Variants in GLRA2 observed in about 807,000 individuals in gnomAD.
The protein encoded by GLRA2 is glycine receptor alpha 2.
GLRA2 carries 11 observed loss-of-function variants against 31.6 expected under a neutral mutation model. That is an observed-to-expected ratio of 0.35 (90% CI 0.22 to 0.58). The LOEUF is 0.58. Among genes scored for constraint, GLRA2 ranks in the 20% least tolerant of loss-of-function variants. GLRA2 has a pLI of 0.84. For missense variants in GLRA2, 212 were observed against 351.8 expected (o/e 0.60, Z 3.18); for synonymous variants, 132 against 134.0 (o/e 0.99, Z 0.10).
the GLRA2 span, among the ~76,000 whole-genome samples, chrX:14,450,319 T>G: frequency 4.5e-5 from 5 of 111,670 alleles, no homozygotes; most frequent in African/African-American, 1.6e-4. Context: ...GGAGGAGAGT[T>G]GCAGGCCTCC....
chrX:14,487,387 TAAAAAAAAAA>T, the GLRA2 span, among the ~76,000 whole-genome samples: 7 of 27,946 alleles, frequency 2.5e-4, no homozygotes, highest in East Asian at 3.3e-3. Flanking sequence ...TGGTTTTCTG[TAAAAAAAAAA>T]AAAAAAAAAA....
intron 7 of GLRA2, among the ~76,000 whole-genome samples, chrX:14,643,970 G>A (rs765625156): frequency 8.9e-6 from 1 of 111,769 alleles, no homozygotes; most frequent in East Asian, 2.8e-4. Context: ...AGGATGAAAG[G>A]ATGGGTCCTG....
chrX:14,471,180 T>C, the GLRA2 span, among the ~76,000 whole-genome samples: 1 of 111,903 alleles, frequency 8.9e-6, no homozygotes, highest in African/African-American at 3.2e-5. Context: ...TTAATTACTT[T>C]TTTTGATTAA....
intron 7 of GLRA2, among the ~76,000 whole-genome samples, chrX:14,613,846 C>T (rs750739689): frequency 1.8e-5 from 2 of 111,552 alleles, no homozygotes; most frequent in Non-Finnish European, 3.8e-5. Flanking sequence ...GCTATGTCTT[C>T]TCTGCCCCTG....
chrX:14,634,753 C>T (rs1328152053), intron 7 of GLRA2, among the ~76,000 whole-genome samples: 2 of 111,959 alleles, frequency 1.8e-5, no homozygotes, highest in African/African-American at 3.2e-5. Flanking sequence ...AGCCTACTGA[C>T]AAGGAATGAA....
At chrX:14,558,686 T>C (rs1178419588) in intron 2 of GLRA2, among the ~76,000 whole-genome samples, 5 of 112,130 alleles carry the variant, frequency 4.5e-5, no homozygotes. Context: ...CTGAGCCATG[T>C]GTTTATTTGT....
the GLRA2 span, among the ~76,000 whole-genome samples, chrX:14,497,466 G>C: frequency 9.0e-6 from 1 of 111,512 alleles, no homozygotes; most frequent in Non-Finnish European, 1.9e-5. Flanking sequence ...ATGTGGGCTT[G>C]GTTATATGAA....
intron 7 of GLRA2, among the ~76,000 whole-genome samples, chrX:14,622,677 T>G (rs1367352256): frequency 8.9e-6 from 1 of 111,895 alleles, no homozygotes; most frequent in Non-Finnish European, 1.9e-5. Flanking sequence ...TGTGTGGTAT[T>G]ATTTCTGAGG....
chrX:14,682,825 T>G (rs1319041078), intron 7 of GLRA2, among the ~76,000 whole-genome samples: 7 of 109,511 alleles, frequency 6.4e-5, no homozygotes, highest in African/African-American at 2.3e-4. Context: ...CTTGCAACAG[T>G]TTGCTGAGAA....
At chrX:14,539,323 C>A (rs2089368841) in intron 2 of GLRA2, among the ~76,000 whole-genome samples, 1 of 111,049 alleles carries the variant, frequency 9.0e-6, no homozygotes, top group African/African-American at 3.3e-5. Context: ...ATTCTGGGCT[C>A]CCTTTGGAAT....
the GLRA2 span, among the ~76,000 whole-genome samples, chrX:14,500,158 C>CTGT: frequency 8.9e-6 from 1 of 112,151 alleles, no homozygotes; most frequent in South Asian, 3.7e-4. Context: ...AAATTCTGCT[C>CTGT]TGTATTTTGG....
chrX:14,468,068 C>G, the GLRA2 span, among the ~76,000 whole-genome samples: 2 of 111,668 alleles, frequency 1.8e-5, no homozygotes, highest in African/African-American at 6.5e-5. Context: ...GAGAAATCTT[C>G]CCTGATCTGT....
chrX:14,530,734 G>T (rs897961398), intron 1 of GLRA2, among the ~76,000 whole-genome samples: 4 of 111,462 alleles, frequency 3.6e-5, no homozygotes, highest in African/African-American at 1.3e-4. Context: ...TATGAGAAGT[G>T]GAGCATGCAT....
chrX:14,632,530 C>T (rs949177211), intron 7 of GLRA2, among the ~76,000 whole-genome samples: 4 of 111,480 alleles, frequency 3.6e-5, no homozygotes, highest in African/African-American at 1.3e-4. Flanking sequence ...TTGGTATGTA[C>T]AGTAATAAAT....
At chrX:14,461,165 G>A in the GLRA2 span, among the ~76,000 whole-genome samples, 3 of 111,974 alleles carry the variant, frequency 2.7e-5, no homozygotes, top group Non-Finnish European at 5.6e-5. Flanking sequence ...GTAGTTGAGC[G>A]GTTTTGAGTG....
At chrX:14,540,838 C>T (rs965405971) in intron 2 of GLRA2, among the ~76,000 whole-genome samples, 6 of 106,384 alleles carry the variant, frequency 5.6e-5, no homozygotes, top group African/African-American at 2.1e-4. Flanking sequence ...TACGTGTGTG[C>T]GAGAGAAAGA....
the GLRA2 span, among the ~76,000 whole-genome samples, chrX:14,492,185 A>G: frequency 4.5e-5 from 5 of 111,030 alleles, no homozygotes; most frequent in Non-Finnish European, 9.4e-5. Flanking sequence ...ATTAACTCAG[A>G]CAAGTTTTTT....
chrX:14,669,542 C>A (rs2091069416), intron 7 of GLRA2, among the ~76,000 whole-genome samples: 1 of 111,426 alleles, frequency 9.0e-6, no homozygotes, highest in Non-Finnish European at 1.9e-5. Flanking sequence ...CTTCTGAAAT[C>A]TAGGTTCCCA....
intron 7 of GLRA2, among the ~76,000 whole-genome samples, chrX:14,659,071 A>G (rs1045011019): frequency 8.9e-6 from 1 of 112,230 alleles, no homozygotes; most frequent in African/African-American, 3.2e-5. Context: ...TGTCCTCTAT[A>G]GCAGGGGTCA....
Sources: allele counts gnomAD v4.1 joint callset (sites outside exome capture counted in the v4.1 genomes callset), GRCh38; gene constraint gnomAD v4.1.1; transcripts MANE v1.5; gene names NCBI Gene and HGNC (gene_info 2026-07-23, HGNC 2026-07-21).